The following MAGI2 variants were observed in gnomAD, a reference collection of about 807,000 sequenced individuals.
The protein encoded by MAGI2 is membrane associated guanylate kinase, WW and PDZ domain containing 2.
A neutral mutation model predicts 133.3 loss-of-function variants in MAGI2; 35 were observed. The ratio of observed to expected loss-of-function variants is 0.26; its 90% CI spans 0.20 to 0.35. MAGI2 has a LOEUF of 0.35. Among genes scored for constraint, MAGI2 ranks in the 10% least tolerant of loss-of-function variants. The probability of loss-of-function intolerance (pLI) is 1.00; values close to 1 mark genes in which losing one functional copy is unlikely to be tolerated. For synonymous variants in MAGI2, 729 were observed against 710.6 expected (o/e 1.03, Z -0.41); for missense variants, 1,636 against 1,863.4 (o/e 0.88, Z 2.25).
chr7:78,604,451 C>T (rs979337629), intron 3 of MAGI2, among the ~76,000 whole-genome samples: 3 of 152,124 alleles, frequency 2.0e-5, no homozygotes, highest in African/African-American at 7.2e-5. Flanking sequence ...CCTTTTATCC[C>T]CATACTGAAT....
At chr7:78,949,833 C>A (rs1013690141) in intron 2 of MAGI2, among the ~76,000 whole-genome samples, 1 of 152,198 alleles carries the variant, frequency 6.6e-6, no homozygotes, top group Non-Finnish European at 1.5e-5. Context: ...GAACCAGGAT[C>A]TAGCTGTTTC....
chr7:78,521,644 G>A lies in MAGI2; in HGVS notation c.540C>T (p.Asp180=), dbSNP rs1563117753. The A allele has an allele frequency of 2.5e-6, 4 of 1,613,390 alleles. No homozygotes were observed. In the South Asian group the frequency reaches 3.3e-5, roughly 13 times the overall value. The part of the protein sequence containing the change: ...GALLESGTYE[D]NYYGTPKPPA... ...GCGGCTTTGGGGTACCGTAGTAATT[G>A]TCTGCAAACAATACCAAAACATTCT... The change falls in exon 4 of 22, where the codon GAC becomes GAT. Residue 180 remains aspartate, a splice_region_variant and synonymous_variant. Coordinates refer to ENST00000354212, the MANE Select transcript of MAGI2 (RefSeq NM_012301.4).
intron 9 of MAGI2, among the ~76,000 whole-genome samples, chr7:78,314,089 T>C (rs1787157392): frequency 6.6e-6 from 1 of 152,156 alleles, no homozygotes; most frequent in South Asian, 2.1e-4. Context: ...GCCAAAGGAT[T>C]GGTTCCTTGA....
At chr7:78,077,499 G>A (rs1017432438) in intron 21 of MAGI2, among the ~76,000 whole-genome samples, 1 of 148,950 alleles carries the variant, frequency 6.7e-6, no homozygotes, top group African/African-American at 2.5e-5. Context: ...AGCCAGCCCT[G>A]CAGAAACTTC....
chr7:79,342,151 G>A (rs558705890), intron 1 of MAGI2, among the ~76,000 whole-genome samples: 2 of 152,278 alleles, frequency 1.3e-5, no homozygotes, highest in East Asian at 3.9e-4. Context: ...ACTTTAAAAT[G>A]ATACATTTAA....
chr7:78,434,300 T>C (rs911191958), intron 6 of MAGI2, among the ~76,000 whole-genome samples: 4 of 152,164 alleles, frequency 2.6e-5, no homozygotes, highest in African/African-American at 7.2e-5. Flanking sequence ...AAGGTCTTTA[T>C]GGAGGAAAAA....
chr7:78,725,815 C>CAACAAACAAACAAACAAACA (rs371894892), intron 2 of MAGI2, among the ~76,000 whole-genome samples: 9 of 151,836 alleles, frequency 5.9e-5, no homozygotes, highest in African/African-American at 2.2e-4. Flanking sequence ...ACAACAACCA[C>CAACAAACAAACAAACAAACA]AACAAACAAA....
At chr7:78,283,508 C>T (rs1391730274) in intron 9 of MAGI2, among the ~76,000 whole-genome samples, 9 of 152,022 alleles carry the variant, frequency 5.9e-5, no homozygotes, top group African/African-American at 1.4e-4. Flanking sequence ...TAATAAATTA[C>T]GAAGTGCTTG....
At chr7:78,984,105 G>A (rs1805031914) in intron 2 of MAGI2, among the ~76,000 whole-genome samples, 1 of 151,980 alleles carries the variant, frequency 6.6e-6, no homozygotes, top group African/African-American at 2.4e-5. Context: ...CTGATGTCAT[G>A]TTAACTCGTT....
chr7:78,301,634 A>C (rs1260227798), intron 9 of MAGI2, among the ~76,000 whole-genome samples: 1 of 152,184 alleles, frequency 6.6e-6, no homozygotes, highest in Non-Finnish European at 1.5e-5. Flanking sequence ...TTTGTTTCTT[A>C]TTCATTCTCA....
At chr7:78,100,590 G>T (rs774546083) in intron 20 of MAGI2, among the ~76,000 whole-genome samples, 9 of 152,134 alleles carry the variant, frequency 5.9e-5, no homozygotes, top group Non-Finnish European at 8.8e-5. Context: ...GGGCTCAAGT[G>T]GTCCTTGTAC....
chr7:78,860,214 A>T (rs1265896322), intron 2 of MAGI2, among the ~76,000 whole-genome samples: 2 of 151,784 alleles, frequency 1.3e-5, no homozygotes, highest in Non-Finnish European at 2.9e-5. Context: ...GAAGTTTGTT[A>T]TTACCGATCA....
chr7:78,986,614 T>A (rs1400112327), intron 2 of MAGI2, among the ~76,000 whole-genome samples: 1 of 151,912 alleles, frequency 6.6e-6, no homozygotes, highest in Non-Finnish European at 1.5e-5. Context: ...CTCAACCTCC[T>A]GGCTTCAAGT....
chr7:79,292,724 C>A (rs1167025274), intron 1 of MAGI2, among the ~76,000 whole-genome samples: 1 of 127,128 alleles, frequency 7.9e-6, no homozygotes, highest in Non-Finnish European at 1.6e-5. Context: ...ATTCTGGGTC[C>A]TTTATCTTTC....
chr7:78,971,078 A>C (rs1803749303), intron 2 of MAGI2, among the ~76,000 whole-genome samples: 2 of 152,068 alleles, frequency 1.3e-5, no homozygotes, highest in Non-Finnish European at 2.9e-5. Context: ...TACTTACAAT[A>C]AGCAATCCAG....
At chr7:78,340,343 C>T (rs1276621702) in intron 9 of MAGI2, among the ~76,000 whole-genome samples, 1 of 152,020 alleles carries the variant, frequency 6.6e-6, no homozygotes, top group Non-Finnish European at 1.5e-5. Flanking sequence ...ATGTCCAGGA[C>T]CAGACAGATT....
intron 3 of MAGI2, among the ~76,000 whole-genome samples, chr7:78,531,129 T>A (rs190938073): frequency 6.6e-6 from 1 of 152,252 alleles, no homozygotes; most frequent in East Asian, 1.9e-4. Context: ...AACTTTAGTA[T>A]AATTCCAGTT....
intron 12 of MAGI2, among the ~76,000 whole-genome samples, chr7:78,187,130 T>C (rs1261021001): frequency 1.3e-5 from 2 of 152,170 alleles, no homozygotes; most frequent in African/African-American, 4.8e-5. Context: ...GAATTACAGA[T>C]AAAAATTAAC....
At chr7:78,237,830 T>A (rs962359802) in intron 10 of MAGI2, among the ~76,000 whole-genome samples, 2 of 152,140 alleles carry the variant, frequency 1.3e-5, no homozygotes, top group Non-Finnish European at 2.9e-5. Flanking sequence ...CTCTACCAAT[T>A]TGAACATGAA....
Sources: allele counts gnomAD v4.1 joint callset (sites outside exome capture counted in the v4.1 genomes callset), GRCh38; gene constraint gnomAD v4.1.1; transcripts MANE v1.5; gene names NCBI Gene and HGNC (gene_info 2026-07-23, HGNC 2026-07-21).